The following IL1RAPL1 variants were observed in gnomAD, a reference collection of about 807,000 sequenced individuals.
The protein encoded by IL1RAPL1 is interleukin 1 receptor accessory protein like 1.
Under a neutral mutation model 48.4 loss-of-function variants are expected in IL1RAPL1, and 3 were observed. The ratio of observed to expected loss-of-function variants is 0.06; its 90% CI spans 0.03 to 0.16. IL1RAPL1 has a LOEUF of 0.16. IL1RAPL1 is among the 10% of genes least tolerant of loss of function. IL1RAPL1 has a pLI of 1.00. For missense variants in IL1RAPL1, 349 were observed against 530.6 expected, an observed-to-expected ratio of 0.66 and a Z score of 3.36; for synonymous variants, 185 against 187.7, an observed-to-expected ratio of 0.99 and a Z score of 0.12.
intron 3 of IL1RAPL1, among the ~76,000 whole-genome samples, chrX:29,306,623 G>A (rs1317973578): frequency 9.4e-6 from 1 of 106,839 alleles, no homozygotes; most frequent in Non-Finnish European, 1.9e-5. Flanking sequence ...AGCATTTTGG[G>A]AGGCCGAGGT....
chrX:28,713,650 C>T (rs1935467844), intron 1 of IL1RAPL1, among the ~76,000 whole-genome samples: 1 of 110,969 alleles, frequency 9.0e-6, no homozygotes, highest in Non-Finnish European at 1.9e-5. Flanking sequence ...TGCCCCTTTT[C>T]ATGTGTTGCA....
In IL1RAPL1 at chrX:29,363,985, T is replaced by A. The variant is rs942624612; in HGVS notation, c.363-32273T>A. Among the ~76,000 whole-genome samples the A allele has an allele frequency of 2.5e-4, 28 of 112,280 alleles. 1 individual carries two copies. Among genetic ancestry groups the A allele is most frequent in the Non-Finnish European group, 5.6e-5 (3 of 53,310 alleles). ...AATGTCTTAGTGATTTGTCTTCCTC[T>A]TGTTTCTCAGTTTGACCTTGGATAT... On this transcript the variant is annotated intron_variant, in intron 3 of 10. Coordinates refer to ENST00000378993, the MANE Select transcript of IL1RAPL1 (RefSeq NM_014271.4).
intron 2 of IL1RAPL1, among the ~76,000 whole-genome samples, chrX:29,245,526 G>C (rs747996684): frequency 2.7e-5 from 3 of 112,221 alleles, no homozygotes; most frequent in African/African-American, 9.7e-5. Flanking sequence ...CTAATGACCA[G>C]TGATGATGAG....
chrX:29,416,910 T>G (rs1041465596), intron 5 of IL1RAPL1, among the ~76,000 whole-genome samples: 4 of 111,729 alleles, frequency 3.6e-5, no homozygotes, highest in Non-Finnish European at 7.5e-5. Context: ...GTAATTTTTT[T>G]ATTATGTTAA....
intron 1 of IL1RAPL1, among the ~76,000 whole-genome samples, chrX:28,675,753 G>A (rs1317505672): frequency 9.0e-6 from 1 of 111,693 alleles, no homozygotes; most frequent in Non-Finnish European, 1.9e-5. Context: ...AAGTATAAAG[G>A]AGACCTGCTC....
intron 2 of IL1RAPL1, among the ~76,000 whole-genome samples, chrX:28,931,224 T>C (rs756201907): frequency 1.1e-4 from 12 of 111,871 alleles, no homozygotes; most frequent in Non-Finnish European, 2.3e-4. Flanking sequence ...GCACTTTCTT[T>C]CCTCCTGTCA....
intron 2 of IL1RAPL1, among the ~76,000 whole-genome samples, chrX:29,255,440 C>T (rs894868128): frequency 9.1e-6 from 1 of 109,710 alleles, no homozygotes; most frequent in Non-Finnish European, 1.9e-5. Flanking sequence ...CTCTTATTTT[C>T]GTGGCCTCTA....
intron 5 of IL1RAPL1, among the ~76,000 whole-genome samples, chrX:29,579,831 G>T (rs1046866423): frequency 2.7e-5 from 3 of 111,966 alleles, no homozygotes; most frequent in African/African-American, 9.7e-5. Context: ...GAATCTGAGA[G>T]AAATCTATGA....
At chrX:29,462,403 A>T (rs1192335747) in intron 5 of IL1RAPL1, among the ~76,000 whole-genome samples, 2 of 111,594 alleles carry the variant, frequency 1.8e-5, no homozygotes, top group Non-Finnish European at 3.8e-5. Flanking sequence ...GAGAACTTGG[A>T]GTGAACTCTC....
chrX:28,932,453 A>G (rs1032266911), intron 2 of IL1RAPL1, among the ~76,000 whole-genome samples: 1 of 111,599 alleles, frequency 9.0e-6, no homozygotes, highest in African/African-American at 3.3e-5. Flanking sequence ...ATTTTCCTGG[A>G]TGTGTGCTTT....
intron 1 of IL1RAPL1, among the ~76,000 whole-genome samples, chrX:28,746,049 T>G (rs752497683): frequency 3.6e-5 from 4 of 111,754 alleles, no homozygotes; most frequent in Non-Finnish European, 7.5e-5. Context: ...ACCCATTCTT[T>G]TTTTAAATTA....
intron 2 of IL1RAPL1, among the ~76,000 whole-genome samples, chrX:29,115,559 G>A (rs1928661617): frequency 9.4e-6 from 1 of 106,268 alleles, no homozygotes. Context: ...CTTTTAGTTT[G>A]TATTTTCCTG....
At chrX:28,941,296 G>A (rs1295318263) in intron 2 of IL1RAPL1, among the ~76,000 whole-genome samples, 6 of 111,203 alleles carry the variant, frequency 5.4e-5, no homozygotes, top group African/African-American at 1.6e-4. Flanking sequence ...AGAGATTAGC[G>A]TTTCATTTTG....
intron 2 of IL1RAPL1, among the ~76,000 whole-genome samples, chrX:28,870,807 C>T (rs1922188288): frequency 9.0e-6 from 1 of 111,182 alleles, no homozygotes; most frequent in South Asian, 3.7e-4. Context: ...GTCAGTGTTA[C>T]TTAATTCCAA....
At chrX:29,175,050 G>A in intron 2 of IL1RAPL1, among the ~76,000 whole-genome samples, 1 of 64,769 alleles carries the variant, frequency 1.5e-5, no homozygotes, top group South Asian at 7.5e-4. Flanking sequence ...CTCCAGCCTG[G>A]GCAACAGTGT....
At chrX:28,865,959 GA>G (rs1922068046) in intron 2 of IL1RAPL1, among the ~76,000 whole-genome samples, 1 of 111,566 alleles carries the variant, frequency 9.0e-6, no homozygotes, top group Non-Finnish European at 1.9e-5. Flanking sequence ...TGCAGTTAAT[GA>G]AAAAAATAGG....
At chrX:29,129,955 C>T (rs1928986386) in intron 2 of IL1RAPL1, among the ~76,000 whole-genome samples, 1 of 111,256 alleles carries the variant, frequency 9.0e-6, no homozygotes, top group Non-Finnish European at 1.9e-5. Flanking sequence ...AAAGAACCCT[C>T]ATATTTTCTA....
intron 1 of IL1RAPL1, among the ~76,000 whole-genome samples, chrX:28,653,550 A>T (rs925004105): frequency 9.0e-6 from 1 of 111,589 alleles, no homozygotes; most frequent in Non-Finnish European, 1.9e-5. Context: ...CCTGCAGCTC[A>T]TATACTAGGC....
chrX:29,711,069 T>TACACACACACAC (rs745317897), intron 6 of IL1RAPL1, among the ~76,000 whole-genome samples: 34,261 of 86,123 alleles, frequency 0.4, 6,426 homozygotes, highest in Non-Finnish European at 0.51. Context: ...TGTGTGTGTA[T>TACACACACACAC]ACACACACAC....
Sources: allele counts gnomAD v4.1 joint callset (sites outside exome capture counted in the v4.1 genomes callset), GRCh38; gene constraint gnomAD v4.1.1; transcripts MANE v1.5; gene names NCBI Gene and HGNC (gene_info 2026-07-23, HGNC 2026-07-21).